The following WWC2 variants were observed in gnomAD, a reference collection of about 807,000 sequenced individuals.
The protein encoded by WWC2 is WW and C2 domain containing 2.
A neutral mutation model predicts 138.5 loss-of-function variants in WWC2; 101 were observed. That is an observed-to-expected ratio of 0.73 (90% confidence interval 0.62 to 0.86). The LOEUF (loss-of-function observed/expected upper bound fraction) is 0.86, where lower values mean the gene tolerates loss of function less well. Ranked by LOEUF, WWC2 falls within the 40% of genes least tolerant of loss-of-function variation. The pLI is 0.00. For synonymous variants in WWC2, 558 were observed against 538.4 expected, an observed-to-expected ratio of 1.04 and a Z score of -0.50; for missense variants, 1,420 against 1,419.4, an observed-to-expected ratio of 1.00 and a Z score of -0.01.
At chr4:183,159,032 G>A (rs1733882860) in intron 1 of WWC2, among the ~76,000 whole-genome samples, 1 of 152,148 alleles carries the variant, frequency 6.6e-6, no homozygotes, top group South Asian at 2.1e-4. Context: ...TGCCAGCTTG[G>A]TTCTGCTGGG....
At chr4:183,242,558 T>A (rs1736657263) in intron 5 of WWC2, among the ~76,000 whole-genome samples, 1 of 152,200 alleles carries the variant, frequency 6.6e-6, no homozygotes, top group Non-Finnish European at 1.5e-5. Context: ...AGATGCCTGT[T>A]TCCATTTGCT....
chr4:183,172,249 A>G (rs1444309691), intron 1 of WWC2, among the ~76,000 whole-genome samples: 1 of 152,102 alleles, frequency 6.6e-6, no homozygotes, highest in Admixed American at 6.6e-5. Context: ...GCCTCCATTT[A>G]CTGTCATCTT....
chr4:183,171,757 T>C (rs1000687899), intron 1 of WWC2, among the ~76,000 whole-genome samples: 14 of 152,224 alleles, frequency 9.2e-5, no homozygotes, highest in African/African-American at 3.4e-4. Flanking sequence ...TTTAAAAGTT[T>C]CTTTTGGTAT....
chr4:183,148,076 T>G (rs1290356008), intron 1 of WWC2, among the ~76,000 whole-genome samples: 5 of 152,206 alleles, frequency 3.3e-5, no homozygotes, highest in African/African-American at 1.2e-4. Flanking sequence ...CCTTATACTC[T>G]GCTTTACCTC....
chr4:183,269,084 T>G lies in WWC2; in HGVS notation c.2321T>G (p.Ile774Ser). The change falls in exon 15 of 23, where the codon ATT becomes AGT. Residue 774 changes from isoleucine to serine, a missense_variant. By Grantham distance (142) the Ile-to-Ser change is moderately radical (BLOSUM62 -2). Transcript: ENST00000403733. ...TTCAATGATGTGTTCAGAGTCGCCATTTCCCAAACAGCCTTACAACAGAAG... is the reference window on the plus strand; with the variant it reads ...TTCAATGATGTGTTCAGAGTCGCCAGTTCCCAAACAGCCTTACAACAGAAG... Reference protein sequence around the residue: ...ILFNDVFRVAISQTALQQKTL... With the variant: ...ILFNDVFRVASSQTALQQKTL... 3.1e-6 allele frequency: 5 copies of G among 1,613,944 alleles called. No homozygotes were observed. Among genetic ancestry groups the G allele is most frequent in the Non-Finnish European group, 4.2e-6 (5 of 1,179,890 alleles).
At chr4:183,154,033 A>C (rs893302772) in intron 1 of WWC2, among the ~76,000 whole-genome samples, 1 of 150,572 alleles carries the variant, frequency 6.6e-6, no homozygotes, top group African/African-American at 2.4e-5. Flanking sequence ...AAAAAACCCC[A>C]AATCTAATTC....
rs756893246 is a variant in WWC2, at chr4:183,312,488, A to G, written c.3512+20A>G. On this transcript the variant is annotated intron_variant, in intron 22 of 22. Transcript: ENST00000403733. ...CTTCAGGTGAATAGCCCCATCCAGG[A>G]CAGCTTTTGGGTTGCCCTCACGGGG... 4.3e-6 allele frequency: 7 copies of G among 1,612,568 alleles called. No individual in the cohort carries two copies. Among genetic ancestry groups the G allele is most frequent in the African/African-American group, 1.3e-5 (1 of 74,904 alleles).
intron 1 of WWC2, among the ~76,000 whole-genome samples, chr4:183,149,822 T>C (rs1733588696): frequency 6.6e-6 from 1 of 152,184 alleles, no homozygotes; most frequent in Non-Finnish European, 1.5e-5. Flanking sequence ...CAGCCGTTGA[T>C]ATCTACTGTC....
chr4:183,264,857 TC>T (rs1002582603), intron 11 of WWC2, 120 bp from the exon 12 acceptor site: 10 of 1,086,578 alleles, frequency 9.2e-6, no homozygotes, highest in Non-Finnish European at 1.1e-5. Context: ...AATATTAACA[TC>T]CTTGACTCCC....
intron 1 of WWC2, among the ~76,000 whole-genome samples, chr4:183,153,049 C>G (rs1017805580): frequency 1.3e-5 from 2 of 152,010 alleles, no homozygotes; most frequent in African/African-American, 4.8e-5. Flanking sequence ...GTACATCACA[C>G]TACACCCAGC....
chr4:183,134,713 A>G (rs577976167), intron 1 of WWC2, among the ~76,000 whole-genome samples: 1 of 152,280 alleles, frequency 6.6e-6, no homozygotes, highest in Admixed American at 6.5e-5. Flanking sequence ...GTTAGTAGGT[A>G]CGTGCAAACT....
chr4:183,107,129 C>T (rs1252542792), intron 1 of WWC2, among the ~76,000 whole-genome samples: 2 of 151,686 alleles, frequency 1.3e-5, no homozygotes, highest in Non-Finnish European at 2.9e-5. Context: ...CTTCTCTTTC[C>T]TTCTCTTCTC....
rs1422784603 is a variant in WWC2 at position 183,253,752 on chromosome 4, T to G, written c.954-5T>G. The G allele has an allele frequency of 3.1e-6, 5 of 1,604,524 alleles. No homozygotes were observed. Among genetic ancestry groups the G allele is most frequent in the African/African-American group, 2.7e-5 (2 of 73,906 alleles). On this transcript the variant is annotated splice_region_variant and splice_polypyrimidine_tract_variant and intron_variant, in intron 8 of 22. Transcript: ENST00000403733. ...TGCATACCTCTTCTATCTTTTTTTT[T>G]TTAGTATGGCCAACTTAAAAATTGA...
Position 183,175,860 on chromosome 4 carries a change from C to T in WWC2, c.132-17739C>T, listed in dbSNP as rs144201499. Among the ~76,000 whole-genome samples the T allele has an allele frequency of 7.2e-5, 11 of 152,344 alleles. No individual in the cohort carries two copies. The East Asian group carries it at 7.7e-4, about 11-fold the overall frequency. ...GTGCTACTAGTCTAAAACTTAGCCACGCAGTGCTTTGCACATTCAATTAAA... is the reference window on the plus strand; with the variant it reads ...GTGCTACTAGTCTAAAACTTAGCCATGCAGTGCTTTGCACATTCAATTAAA... On this transcript the variant is annotated intron_variant, in intron 1 of 22. Coordinates refer to ENST00000403733, the MANE Select transcript of WWC2 (RefSeq NM_024949.6).
At chr4:183,217,499 TTTAA>T (rs1168442837) in intron 4 of WWC2, among the ~76,000 whole-genome samples, 6 of 151,900 alleles carry the variant, frequency 3.9e-5, no homozygotes, top group Non-Finnish European at 8.8e-5. Flanking sequence ...ACAGGTACAA[TTTAA>T]TTAGCAGACA....
chr4:183,306,406 A>G (rs971884743), intron 21 of WWC2, among the ~76,000 whole-genome samples: 1 of 152,218 alleles, frequency 6.6e-6, no homozygotes, highest in Non-Finnish European at 1.5e-5. Context: ...CATAAAACAC[A>G]TATGGACTAA....
At chr4:183,186,698 C>T (rs558553618) in intron 1 of WWC2, among the ~76,000 whole-genome samples, 1 of 151,998 alleles carries the variant, frequency 6.6e-6, no homozygotes, top group East Asian at 1.9e-4. Flanking sequence ...GGAGGGGATG[C>T]GAGACATGTA....
Position 183,114,038 on chromosome 4 carries a change from G to A in WWC2, c.131+14416G>A, listed in dbSNP as rs368439410. ...ATTGCTAATCCAAAGTTCTGTTTCC[G>A]ATGTATAGGTGTGATAGAGTTTGAA... On this transcript the variant is annotated intron_variant, in intron 1 of 22. Coordinates refer to ENST00000403733, the MANE Select transcript of WWC2 (RefSeq NM_024949.6). Among the ~76,000 whole-genome samples the A allele has an allele frequency of 6.4e-4, 97 of 152,212 alleles. 1 individual carries two copies. Among genetic ancestry groups the A allele is most frequent in the Admixed American group, 1.1e-3 (17 of 15,282 alleles).
intron 1 of WWC2, among the ~76,000 whole-genome samples, chr4:183,131,948 A>G (rs551331233): frequency 2.0e-5 from 3 of 152,324 alleles, no homozygotes; most frequent in Admixed American, 2.0e-4. Context: ...CACACTGAGC[A>G]GCTATGATGC....
Sources: allele counts gnomAD v4.1 joint callset (sites outside exome capture counted in the v4.1 genomes callset), GRCh38; gene constraint gnomAD v4.1.1; transcripts MANE v1.5; gene names NCBI Gene and HGNC (gene_info 2026-07-23, HGNC 2026-07-21).